Variants in HBS1L observed in about 807,000 individuals in gnomAD.
HBS1L encodes the protein HBS1 like translational GTPase, also known as HBS1-like protein.
Under a neutral mutation model 88.9 loss-of-function variants are expected in HBS1L, and 55 were observed. That is an observed-to-expected ratio of 0.62 (90% CI 0.50 to 0.77). HBS1L has a LOEUF of 0.77. HBS1L is among the 30% of genes least tolerant of loss of function. HBS1L has a pLI of 0.00. For missense variants in HBS1L, 741 were observed against 829.3 expected, an observed-to-expected ratio of 0.89 and a Z score of 1.31; for synonymous variants, 267 against 288.5, an observed-to-expected ratio of 0.93 and a Z score of 0.76.
rs576108609 is a variant in HBS1L, at chr6:135,005,219, T to G, written c.431-2377A>C. ...AAATGTAAGGTGAGAAATGAAGGCA[T>G]GTTCACTACCTCTCAGCTATAATTT... is the stretch of plus-strand genomic sequence containing the variant. On this transcript the variant is annotated intron_variant, in intron 4 of 17. Coordinates refer to ENST00000367837, the MANE Select transcript of HBS1L (RefSeq NM_006620.4). Among the ~76,000 whole-genome samples, 22 of 152,368 alleles carry G rather than the reference T, an allele frequency of 1.4e-4. No homozygotes were observed. The South Asian group carries it at 4.6e-3, about 32-fold the overall frequency.
intron 8 of HBS1L, among the ~76,000 whole-genome samples, 199 bp from the exon 9 acceptor site, chr6:134,987,990 C>T (rs1038026260): frequency 6.6e-6 from 1 of 151,694 alleles, no homozygotes; most frequent in African/African-American, 2.4e-5. Flanking sequence ...ACACAAAGAA[C>T]AATAAAAAAG....
chr6:135,026,229 G>A (rs1776223429), intron 4 of HBS1L, among the ~76,000 whole-genome samples: 1 of 151,882 alleles, frequency 6.6e-6, no homozygotes, highest in African/African-American at 2.4e-5. Flanking sequence ...AAGGTGTAAA[G>A]GTGAACACCT....
chr6:134,984,480 G>A (rs1483217963), intron 12 of HBS1L, among the ~76,000 whole-genome samples: 1 of 152,110 alleles, frequency 6.6e-6, no homozygotes, highest in African/African-American at 2.4e-5. Flanking sequence ...GAATACAGAG[G>A]GACGCGTCAG....
intron 7 of HBS1L, among the ~76,000 whole-genome samples, chr6:134,994,977 T>G (rs1196735823): frequency 6.6e-6 from 1 of 152,128 alleles, no homozygotes; most frequent in African/African-American, 2.4e-5. Context: ...AGGTTTGCCC[T>G]AGCAATAAAG....
At chr6:134,991,877 G>C (rs1182747312) in intron 8 of HBS1L, among the ~76,000 whole-genome samples, 1 of 152,130 alleles carries the variant, frequency 6.6e-6, no homozygotes, top group Admixed American at 6.5e-5. Context: ...AGACCAGCAT[G>C]GGCAATACAG....
chr6:135,008,471 CCATAATTAGAAA>C (rs1221675093), intron 4 of HBS1L, among the ~76,000 whole-genome samples: 2 of 152,168 alleles, frequency 1.3e-5, no homozygotes, highest in Non-Finnish European at 2.9e-5. Context: ...GCCTCCATCC[CCATAATTAGAAA>C]CATAATTAGA....
intron 2 of HBS1L, among the ~76,000 whole-genome samples, chr6:135,049,701 A>G (rs945905060): frequency 3.9e-5 from 6 of 152,104 alleles, no homozygotes; most frequent in Non-Finnish European, 8.8e-5. Context: ...CCTCCTGAGT[A>G]GCTGGGATTA....
At chr6:135,022,086 T>A (rs1264596258) in intron 4 of HBS1L, among the ~76,000 whole-genome samples, 2 of 152,126 alleles carry the variant, frequency 1.3e-5, no homozygotes, top group Non-Finnish European at 2.9e-5. Flanking sequence ...CAGTTTTATG[T>A]CCCCTATGCC....
At chr6:135,000,902 G>C (rs1289490609) in intron 5 of HBS1L, among the ~76,000 whole-genome samples, 1 of 152,118 alleles carries the variant, frequency 6.6e-6, no homozygotes, top group Non-Finnish European at 1.5e-5. Flanking sequence ...GTTTCTATAT[G>C]CTTTCTTAAG....
chr6:134,971,491 C>T (rs1183357982), intron 15 of HBS1L, among the ~76,000 whole-genome samples: 10 of 152,138 alleles, frequency 6.6e-5, no homozygotes, highest in African/African-American at 2.4e-4. Context: ...TTCTTCTACC[C>T]TTGGTGAGCT....
intron 16 of HBS1L, among the ~76,000 whole-genome samples, chr6:134,966,974 G>C (rs748640030): frequency 3.3e-5 from 5 of 152,160 alleles, no homozygotes; most frequent in African/African-American, 1.2e-4. Flanking sequence ...TTGTTGCTAA[G>C]ATTCCCCTCA....
At chr6:134,986,991 T>C (rs1339971853) in intron 9 of HBS1L, among the ~76,000 whole-genome samples, 181 bp from the exon 10 acceptor site, 1 of 152,146 alleles carries the variant, frequency 6.6e-6, no homozygotes, top group Non-Finnish European at 1.5e-5. Flanking sequence ...TTCCTCAAAA[T>C]GCTCAAAGGC....
intron 12 of HBS1L, among the ~76,000 whole-genome samples, chr6:134,984,673 C>G (rs558556465): frequency 6.6e-6 from 1 of 152,168 alleles, no homozygotes; most frequent in South Asian, 2.1e-4. Context: ...TGTATTTCCA[C>G]TTTATAGTCT....
chr6:135,038,695 A>C (rs1776634228), intron 4 of HBS1L, among the ~76,000 whole-genome samples: 1 of 152,220 alleles, frequency 6.6e-6, no homozygotes, highest in African/African-American at 2.4e-5. Flanking sequence ...AATTAATATA[A>C]TGCTACCACC....
At chr6:135,036,832 A>C in intron 4 of HBS1L, 1 of 1,551,796 alleles carries the variant, frequency 6.4e-7, no homozygotes, top group Non-Finnish European at 8.7e-7. Context: ...TTTCCTAGTC[A>C]GAGAGCCTTT....
intron 4 of HBS1L, chr6:135,036,290 G>A (rs905939803): frequency 2.0e-6 from 2 of 1,025,144 alleles, no homozygotes; most frequent in African/African-American, 1.7e-5. Context: ...AAAAATATAT[G>A]AGGTCTGATT....
At chr6:134,974,650 C>CAAAAA (rs71006747) in intron 15 of HBS1L, among the ~76,000 whole-genome samples, 1 of 146,610 alleles carries the variant, frequency 6.8e-6, no homozygotes, top group Non-Finnish European at 1.5e-5. Context: ...CAATTAAAAG[C>CAAAAA]AAAAAAAAAA....
rs139538692 is a variant in HBS1L, at chr6:134,966,448, A to G, written c.1924T>C (p.Leu642=). ...PKFLTKGQNA[L]VELQTQRPIA... ...GGTCTTTGTGTCTGTAGCTCTACCA[A>G]TGCATTCTGGCCTTTAGTCAAAAAC... is the stretch of plus-strand genomic sequence containing the variant. The change falls in exon 17 of 18, where the codon TTG becomes CTG. Residue 642 remains leucine (L), a synonymous_variant. Transcript: ENST00000367837. 5 of 1,606,958 alleles carry G rather than the reference A, an allele frequency of 3.1e-6. No individual in the cohort carries two copies. The highest frequency in any genetic ancestry group is 3.4e-6 in the Non-Finnish European group (4 of 1,176,560).
rs553112168 is a variant in HBS1L, at chr6:134,992,745, G to A, written c.1083+1013C>T. 3.9e-5 allele frequency among the ~76,000 whole-genome samples: 6 copies of A among 152,112 alleles called. No individual in the cohort carries two copies. The South Asian group carries it at 1.2e-3, about 32-fold the overall frequency. On this transcript the variant is annotated intron_variant, in intron 8 of 17. Coordinates refer to ENST00000367837, the MANE Select transcript of HBS1L (RefSeq NM_006620.4). ...TCAGAAAGTTAAAAAAAATTTAAATGTTTATAAAGTAAAAAAAGCTACAGT... is the reference window on the plus strand; with the variant it reads ...TCAGAAAGTTAAAAAAAATTTAAATATTTATAAAGTAAAAAAAGCTACAGT...
Sources: gnomAD v4.1 joint callset for allele counts (sites outside exome capture counted in the v4.1 genomes callset) on GRCh38, gnomAD v4.1.1 for gene constraint, MANE v1.5 for transcripts, NCBI Gene and HGNC (gene_info 2026-07-23, HGNC 2026-07-21) for gene names.